TASP1: variants seen among roughly 807,000 people sequenced by gnomAD.
TASP1 encodes threonine aspartase 1.
A neutral mutation model predicts 56.6 loss-of-function variants in TASP1; 16 were observed. The ratio of observed to expected loss-of-function variants is 0.28; its 90% CI spans 0.19 to 0.43. TASP1 has a LOEUF of 0.43. Ranked by LOEUF, TASP1 falls within the 20% of genes least tolerant of loss-of-function variation. The pLI is 1.00. For missense variants in TASP1, 393 were observed against 511.6 expected, an observed-to-expected ratio of 0.77 and a Z score of 2.24; for synonymous variants, 179 against 184.2, an observed-to-expected ratio of 0.97 and a Z score of 0.23.
chr20:13,576,371 AAGAAAGAAAG>A (rs777470414), intron 6 of TASP1, among the ~76,000 whole-genome samples: 49 of 145,520 alleles, frequency 3.4e-4, no homozygotes, highest in Admixed American at 7.5e-4. Flanking sequence ...GAAAGAAAGA[AAGAAAGAAAG>A]AAAGAAAGAA....
chr20:13,136,330 C>G, the TASP1 span, among the ~76,000 whole-genome samples: 3 of 152,114 alleles, frequency 2.0e-5, no homozygotes, highest in Admixed American at 2.0e-4. Flanking sequence ...GGTGTGGTGG[C>G]TCACACCTGT....
intron 6 of TASP1, among the ~76,000 whole-genome samples, chr20:13,570,130 TATGTCCCAAAAGTA>T (rs373983039): frequency 0.011 from 1,690 of 152,210 alleles, 41 homozygotes; most frequent in African/African-American, 0.038. Flanking sequence ...AGTACTATGG[TATGTCCCAAAAGTA>T]ACTTTTAAGT....
At chr20:13,163,367 CAAAA>C in the TASP1 span, among the ~76,000 whole-genome samples, 1,544 of 90,060 alleles carry the variant, frequency 0.017, 17 homozygotes, top group Middle Eastern at 0.024. Context: ...GACGCTGTCT[CAAAA>C]AAAAAAAAAA....
the TASP1 span, among the ~76,000 whole-genome samples, chr20:13,235,381 G>A: frequency 1.3e-5 from 2 of 152,308 alleles, no homozygotes; most frequent in South Asian, 4.1e-4. Flanking sequence ...TTTGATTCCA[G>A]TTCTGCTCCT....
the TASP1 span, among the ~76,000 whole-genome samples, chr20:13,143,584 C>T: frequency 6.6e-6 from 1 of 152,160 alleles, no homozygotes; most frequent in East Asian, 1.9e-4. Context: ...GCTGAGAAGT[C>T]ATTGTCCTGG....
chr20:13,463,314 T>C (rs1352685047), intron 11 of TASP1, among the ~76,000 whole-genome samples: 3 of 152,116 alleles, frequency 2.0e-5, no homozygotes, highest in Admixed American at 6.6e-5. Context: ...GATATCCACA[T>C]GCAAAGGAAT....
intron 13 of TASP1, among the ~76,000 whole-genome samples, chr20:13,400,861 A>G (rs73901154): frequency 0.01 from 1,586 of 152,348 alleles, 32 homozygotes; most frequent in African/African-American, 0.036. Flanking sequence ...AACAAATTCT[A>G]ATCCTTAGGA....
intron 10 of TASP1, among the ~76,000 whole-genome samples, chr20:13,519,406 CAA>C (rs1373184815): frequency 6.6e-6 from 1 of 152,162 alleles, no homozygotes; most frequent in African/African-American, 2.4e-5. Flanking sequence ...AGCAGCACAT[CAA>C]AAAGCTTATC....
the TASP1 span, among the ~76,000 whole-genome samples, chr20:13,260,606 T>G: frequency 2.6e-5 from 4 of 152,284 alleles, no homozygotes; most frequent in South Asian, 2.1e-4. Context: ...AGTGGAGTTT[T>G]TTTTTTTTTT....
intron 13 of TASP1, among the ~76,000 whole-genome samples, chr20:13,404,087 C>A (rs573415806): frequency 6.6e-6 from 1 of 152,256 alleles, no homozygotes; most frequent in East Asian, 1.9e-4. Context: ...CCCCCAAATT[C>A]CCTCATGCCC....
At chr20:13,533,239 G>A (rs1398035286) in intron 9 of TASP1, among the ~76,000 whole-genome samples, 1 of 152,104 alleles carries the variant, frequency 6.6e-6, no homozygotes, top group Non-Finnish European at 1.5e-5. Context: ...CCCAAATACT[G>A]AGTTTAAATG....
At chr20:13,474,413 A>T (rs1448748381) in intron 11 of TASP1, among the ~76,000 whole-genome samples, 1 of 152,198 alleles carries the variant, frequency 6.6e-6, no homozygotes, top group Non-Finnish European at 1.5e-5. Context: ...GAGTGACTTC[A>T]CTTAGAATAA....
At chr20:13,425,512 AC>A in intron 12 of TASP1, among the ~76,000 whole-genome samples, 1 of 152,128 alleles carries the variant, frequency 6.6e-6, no homozygotes, top group South Asian at 2.1e-4. Flanking sequence ...TGGCTCCCAC[AC>A]CCACTTAAAA....
chr20:13,438,198 T>C (rs916400611), intron 11 of TASP1, among the ~76,000 whole-genome samples: 1 of 152,086 alleles, frequency 6.6e-6, no homozygotes, highest in Non-Finnish European at 1.5e-5. Flanking sequence ...CATTGCCAAG[T>C]CAATCCTAAG....
At chr20:13,153,947 C>G in the TASP1 span, 2 of 1,598,922 alleles carry the variant, frequency 1.3e-6, no homozygotes, top group Non-Finnish European at 8.5e-7. Context: ...TTGACCGGAC[C>G]TTTACTTCCC....
At chr20:13,159,010 CAGT>C in the TASP1 span, among the ~76,000 whole-genome samples, 2 of 152,166 alleles carry the variant, frequency 1.3e-5, no homozygotes, top group African/African-American at 4.8e-5. Context: ...TAAAGTCACT[CAGT>C]AGTTAAGTTT....
intron 10 of TASP1, among the ~76,000 whole-genome samples, chr20:13,505,459 G>T (rs895708204): frequency 5.4e-4 from 82 of 152,168 alleles, no homozygotes; most frequent in African/African-American, 1.9e-3. Context: ...TATACAGATA[G>T]CCAGCTCAAC....
chr20:13,119,726 C>G, the TASP1 span, among the ~76,000 whole-genome samples: 6 of 152,184 alleles, frequency 3.9e-5, no homozygotes, highest in African/African-American at 1.4e-4. Flanking sequence ...TAGAGCGTGT[C>G]TGGCAGAGAT....
intron 13 of TASP1, among the ~76,000 whole-genome samples, 183 bp downstream of exon 13, chr20:13,417,265 T>C (rs1369501970): frequency 4.6e-5 from 7 of 152,130 alleles, no homozygotes; most frequent in Admixed American, 2.6e-4. Flanking sequence ...AAAAGCAAAA[T>C]AGATATGCTG....
Sources: allele counts gnomAD v4.1 joint callset (sites outside exome capture counted in the v4.1 genomes callset), GRCh38; gene constraint gnomAD v4.1.1; transcripts MANE v1.5; gene names NCBI Gene and HGNC (gene_info 2026-07-23, HGNC 2026-07-21).